PNKD: variants seen among roughly 807,000 people sequenced by gnomAD.
The protein encoded by PNKD is probable thioesterase PNKD.
A neutral mutation model predicts 45.3 loss-of-function variants in PNKD; 36 were observed. The ratio of observed to expected loss-of-function variants is 0.80; its 90% CI spans 0.61 to 1.05. The LOEUF (loss-of-function observed/expected upper bound fraction) is 1.05. PNKD is among the 50% of genes least tolerant of loss of function. The pLI is 0.00. For missense variants in PNKD, 511 were observed against 506.6 expected (o/e 1.01, Z -0.08); for synonymous variants, 197 against 210.1 (o/e 0.94, Z 0.54).
chr2:218,290,684 A>C (rs529251924), intron 2 of PNKD, among the ~76,000 whole-genome samples: 1 of 152,304 alleles, frequency 6.6e-6, no homozygotes, highest in East Asian at 1.9e-4. Flanking sequence ...TTACAGACAA[A>C]AGTGGGAGCT....
At chr2:218,316,455 G>A (rs1287191969) in intron 2 of PNKD, among the ~76,000 whole-genome samples, 1 of 151,984 alleles carries the variant, frequency 6.6e-6, no homozygotes, top group Admixed American at 6.6e-5. Context: ...ATTTTTAGTA[G>A]AGACAGGGTT....
chr2:218,301,546 C>T (rs1401619529), intron 2 of PNKD, among the ~76,000 whole-genome samples: 1 of 152,136 alleles, frequency 6.6e-6, no homozygotes, highest in Non-Finnish European at 1.5e-5. Flanking sequence ...TGCATTTTAG[C>T]CAGGCCCAGG....
Position 218,342,072 on chromosome 2 carries a change from C to T in PNKD, c.709C>T (p.Leu237=), listed in dbSNP as rs1184894791. 3 of 1,612,322 alleles carry T rather than the reference C, an allele frequency of 1.9e-6. No individual in the cohort carries two copies. The highest frequency in any genetic ancestry group is 2.2e-5 in the East Asian group (1 of 44,886). Residue 237 remains leucine, a synonymous_variant, in exon 7 of 10, where the codon CTA becomes TTA. Transcript: ENST00000273077. ...PGHTQGHLVY[L]LDGEPYKGPS... ...CCACACACAAGGCCATCTGGTCTAC[C>T]TACTGGATGGGGAGCCCTACAAGGG...
Position 218,280,571 on chromosome 2 carries a change from A to G in PNKD, c.236+9022A>G, listed in dbSNP as rs532088246. ...AGACAGGGATCTGCATCAGCCTCACAGAGGCAGGTGTGCAAAGGGTGTGCG... is the reference window on the plus strand; with the variant it reads ...AGACAGGGATCTGCATCAGCCTCACGGAGGCAGGTGTGCAAAGGGTGTGCG... On this transcript the variant is annotated intron_variant, in intron 2 of 9. Coordinates refer to ENST00000273077, the MANE Select transcript of PNKD (RefSeq NM_015488.5). 63 of 227,828 alleles carry G rather than the reference A, an allele frequency of 2.8e-4. 2 individuals are homozygous for G. In the South Asian group the frequency reaches 3.5e-3, roughly 13 times the overall value. 14.1% of individuals were successfully genotyped at this position (227,828 alleles called of 1,614,324 possible). A position where few individuals can be genotyped will look rare whatever the true frequency, so the allele number is the denominator to read the frequency against.
At chr2:218,339,687 CA>C in intron 2 of PNKD, 95 bp from the exon 3 acceptor site, 2 of 770,158 alleles carry the variant, frequency 2.6e-6, no homozygotes. Flanking sequence ...ACAGGGTCAC[CA>C]AAGGAATGGA....
At position 218,326,149 on chromosome 2, in the gene PNKD, G is replaced by A. The variant is rs2106278675; in HGVS notation, c.237-13634G>A. 6.6e-6 allele frequency among the ~76,000 whole-genome samples: 1 copy of A among 152,104 alleles called. No homozygotes were observed. ...ACCTGAAGGTGTGGCTGGGAGGATC[G>A]CAAATAGAGGATTCTACTGGGGGTG... is the stretch of plus-strand genomic sequence containing the variant. On this transcript the variant is annotated intron_variant, in intron 2 of 9. Coordinates refer to ENST00000273077, the MANE Select transcript of PNKD (RefSeq NM_015488.5). The surrounding 1 kb of genome is among the most constrained non-coding windows in gnomAD (Gnocchi z 4.1).
intron 2 of PNKD, among the ~76,000 whole-genome samples, chr2:218,331,017 G>A (rs949421131): frequency 1.3e-5 from 2 of 152,230 alleles, no homozygotes; most frequent in African/African-American, 4.8e-5. Flanking sequence ...CTTGCCTCCA[G>A]CAACAGAAGA....
intron 5 of PNKD, 62 bp from the exon 6 acceptor site, chr2:218,341,472 A>AAGAAGGGGGCT: frequency 8.9e-7 from 1 of 1,122,148 alleles, no homozygotes; most frequent in Non-Finnish European, 1.3e-6. Context: ...TGCTGTGGTA[A>AAGAAGGGGGCT]AGAAGGGGGC....
rs1267388404 is a variant in PNKD at position 218,271,564 on chromosome 2, C to A, written c.236+15C>A. 3 of 1,610,926 alleles carry A rather than the reference C, an allele frequency of 1.9e-6. No homozygotes were observed. In the African/African-American group the frequency reaches 4.0e-5, roughly 21 times the overall value. Reference sequence around the variant, plus strand: ...GGACTGGCCTGGTGAGTTTTAACCACCCCTTTGCCCACCAACGGGGCGTGG... The same window carrying A: ...GGACTGGCCTGGTGAGTTTTAACCAACCCTTTGCCCACCAACGGGGCGTGG... On this transcript the variant is annotated intron_variant, in intron 2 of 9. Coordinates refer to ENST00000273077, the MANE Select transcript of PNKD (RefSeq NM_015488.5).
At chr2:218,325,757 G>T (rs528621221) in intron 2 of PNKD, among the ~76,000 whole-genome samples, 4 of 152,264 alleles carry the variant, frequency 2.6e-5, no homozygotes, top group Admixed American at 1.3e-4. Context: ...AACTTGAGAC[G>T]TGGGATTTTA....
intron 2 of PNKD, chr2:218,282,232 T>G: frequency 9.0e-7 from 1 of 1,111,030 alleles, no homozygotes; most frequent in Non-Finnish European, 1.2e-6. Context: ...CCCAGCTCAC[T>G]CAGCCTCATG....
Position 218,272,894 on chromosome 2 carries a change from A to G in PNKD, c.236+1345A>G, listed in dbSNP as rs1383395903. ...GTTGCCAAACCCTACCCTGCCCCAC[A>G]CCAAGGAGCCAGCCAAAGGCAAATA... On this transcript the variant is annotated intron_variant, in intron 2 of 9. Coordinates refer to ENST00000273077, the MANE Select transcript of PNKD (RefSeq NM_015488.5). The G allele has an allele frequency of 3.4e-5, 54 of 1,570,474 alleles. No individual in the cohort carries two copies. The South Asian group carries it at 4.0e-4, about 12-fold the overall frequency.
At chr2:218,288,238 C>A (rs1692675261) in intron 2 of PNKD, among the ~76,000 whole-genome samples, 1 of 152,154 alleles carries the variant, frequency 6.6e-6, no homozygotes, top group Admixed American at 6.5e-5. Flanking sequence ...ACCATCCTGG[C>A]TAACATGGTG....
intron 2 of PNKD, among the ~76,000 whole-genome samples, chr2:218,315,111 TCC>T (rs1491137198): frequency 7.3e-5 from 10 of 137,862 alleles, no homozygotes; most frequent in African/African-American, 2.8e-4. Context: ...CTTCCTTCCT[TCC>T]TTCCTTCCTT....
At chr2:218,295,933 C>T (rs932018127) in intron 2 of PNKD, among the ~76,000 whole-genome samples, 1 of 151,758 alleles carries the variant, frequency 6.6e-6, no homozygotes, top group Non-Finnish European at 1.5e-5. Flanking sequence ...GCAACCTCCA[C>T]CTCCCAGGCT....
At chr2:218,278,171 T>C (rs1691443352) in intron 2 of PNKD, 1 of 632,620 alleles carries the variant, frequency 1.6e-6, no homozygotes, top group African/African-American at 1.8e-5. Flanking sequence ...CAGACCTGTG[T>C]TGTGGCGCCA....
rs1467441516 is a variant in PNKD, at chr2:218,315,568, C to T, written c.237-24215C>T. The stretch of plus-strand genomic sequence containing the variant: ...TAAGGAATAATAGGAATAATAAATG[C>T]CTTTAAGAATAACATACGCCTATTA... On this transcript the variant is annotated intron_variant, in intron 2 of 9. Transcript: ENST00000273077. Among the ~76,000 whole-genome samples, 7 of 152,126 alleles carry T rather than the reference C, an allele frequency of 4.6e-5. No homozygotes were observed. The East Asian group carries it at 1.3e-3, about 29-fold the overall frequency.
At position 218,271,738 on chromosome 2, in the gene PNKD, A is replaced by G. The variant is rs62182823; in HGVS notation, c.236+189A>G. Reference sequence around the variant, plus strand: ...GGAAAGTATGTGGAATTGAGAAGACAGTGGGTTTACTGTGGAGTAAGCTGA... The same window carrying G: ...GGAAAGTATGTGGAATTGAGAAGACGGTGGGTTTACTGTGGAGTAAGCTGA... On this transcript the variant is annotated intron_variant, in intron 2 of 9. Coordinates refer to ENST00000273077, the MANE Select transcript of PNKD (RefSeq NM_015488.5). Among the ~76,000 whole-genome samples, 1,394 of 152,310 alleles carry G rather than the reference A, an allele frequency of 9.2e-3. 15 individuals carry two copies. The highest frequency in any genetic ancestry group is 0.018 in the Admixed American group (281 of 15,302).
At chr2:218,338,530 G>A (rs1423861164) in intron 2 of PNKD, among the ~76,000 whole-genome samples, 1 of 151,776 alleles carries the variant, frequency 6.6e-6, no homozygotes, top group Admixed American at 6.6e-5. Flanking sequence ...ACTTTGGGAG[G>A]CCAAGGCAGG....
Sources: allele counts gnomAD v4.1 joint callset (sites outside exome capture counted in the v4.1 genomes callset), GRCh38; gene constraint gnomAD v4.1.1; non-coding constraint Gnocchi (gnomAD v3.1); transcripts MANE v1.5; gene names NCBI Gene and HGNC (gene_info 2026-07-23, HGNC 2026-07-21).